KCNMB2: variants seen among roughly 807,000 people sequenced by gnomAD.
KCNMB2 encodes the protein potassium calcium-activated channel subfamily M regulatory beta subunit 2, also known as calcium-activated potassium channel subunit beta-2.
In KCNMB2, 9 loss-of-function variants were observed where a neutral mutation model predicts 24.5. The observed-to-expected ratio is 0.37, with a 90% CI of 0.22 to 0.64. The LOEUF is 0.64. Ranked by LOEUF, KCNMB2 falls within the 30% of genes least tolerant of loss-of-function variation. The probability of loss-of-function intolerance (pLI) is 0.63; values close to 1 mark genes in which losing one functional copy is unlikely to be tolerated. For missense variants in KCNMB2, 226 were observed against 284.3 expected (o/e 0.79, Z 1.47); for synonymous variants, 109 against 104.4 (o/e 1.04, Z -0.27).
At position 178,729,737 on chromosome 3, in the gene KCNMB2, AG is replaced by A. The variant is rs199659093; in HGVS notation, c.-67-77605del. Among the ~76,000 whole-genome samples the A allele has an allele frequency of 7.8e-3, 1,191 of 152,312 alleles. 14 individuals are homozygous for A. The highest frequency in any genetic ancestry group is 0.028 in the African/African-American group (1,158 of 41,562). On this transcript the variant is annotated intron_variant, in intron 1 of 4. Coordinates refer to ENST00000452583, the MANE Select transcript of KCNMB2 (RefSeq NM_181361.3). ...GCTTGTTAATTGTATGTATGTATGA[AG>A]CAAATGGTCTTTGAATAGTTGTCTT...
chr3:178,590,645 A>G (rs1194106854), intron 1 of KCNMB2, among the ~76,000 whole-genome samples: 1 of 152,194 alleles, frequency 6.6e-6, no homozygotes, highest in Non-Finnish European at 1.5e-5. Flanking sequence ...CAAAGTAGGC[A>G]CTACTAGTAT....
chr3:178,764,877 G>A (rs1176839048), intron 1 of KCNMB2, among the ~76,000 whole-genome samples: 1 of 152,098 alleles, frequency 6.6e-6, no homozygotes, highest in Non-Finnish European at 1.5e-5. Flanking sequence ...GAAAATGGAA[G>A]GGTATTTAAA....
intron 4 of KCNMB2, among the ~76,000 whole-genome samples, chr3:178,834,619 G>T (rs1715157941): frequency 6.6e-6 from 1 of 152,104 alleles, no homozygotes; most frequent in Non-Finnish European, 1.5e-5. Flanking sequence ...ATATTAAACA[G>T]ATAGAAGCTT....
At chr3:178,610,349 G>C (rs1718437940) in intron 1 of KCNMB2, among the ~76,000 whole-genome samples, 1 of 152,152 alleles carries the variant, frequency 6.6e-6, no homozygotes, top group East Asian at 1.9e-4. Context: ...GGGTAGCATG[G>C]ACATTTTAAC....
chr3:178,601,292 TATGCA>T (rs1449003605), intron 1 of KCNMB2, among the ~76,000 whole-genome samples: 1 of 152,084 alleles, frequency 6.6e-6, no homozygotes, highest in Non-Finnish European at 1.5e-5. Context: ...CATGTATACC[TATGCA>T]ATAAACCTGC....
intron 1 of KCNMB2, among the ~76,000 whole-genome samples, chr3:178,589,255 ACACTAGGTGCATTGTAAAAT>A (rs1473301277): frequency 1.3e-5 from 2 of 152,172 alleles, no homozygotes; most frequent in Non-Finnish European, 2.9e-5. Flanking sequence ...TCTGGCAGAA[ACACTAGGTGCATTGTAAAAT>A]CACTGAATTT....
At chr3:178,666,842 A>T (rs1177084801) in intron 1 of KCNMB2, among the ~76,000 whole-genome samples, 1 of 152,166 alleles carries the variant, frequency 6.6e-6, no homozygotes, top group African/African-American at 2.4e-5. Flanking sequence ...CCTAACTTGC[A>T]GTACCTTAGA....
At chr3:178,759,752 ATC>A (rs1491265684) in intron 1 of KCNMB2, among the ~76,000 whole-genome samples, 222 of 18,228 alleles carry the variant, frequency 0.012, 41 homozygotes, top group African/African-American at 0.057. Flanking sequence ...AAGAGGATAT[ATC>A]TATATATATA....
At chr3:178,631,359 G>C (rs888339482) in intron 1 of KCNMB2, among the ~76,000 whole-genome samples, 9 of 152,152 alleles carry the variant, frequency 5.9e-5, no homozygotes, top group African/African-American at 2.2e-4. Context: ...AGTGCTGTCA[G>C]TAACAGCTAC....
At chr3:178,832,006 C>T (rs955562804) in intron 4 of KCNMB2, among the ~76,000 whole-genome samples, 2 of 152,110 alleles carry the variant, frequency 1.3e-5, no homozygotes, top group Admixed American at 1.3e-4. Context: ...ATACTTGAAG[C>T]TCATGTAGAC....
At chr3:178,706,339 C>T (rs1434058997) in intron 1 of KCNMB2, among the ~76,000 whole-genome samples, 1 of 152,062 alleles carries the variant, frequency 6.6e-6, no homozygotes, top group Non-Finnish European at 1.5e-5. Context: ...GGAGGACCTC[C>T]CCACACAACA....
intron 1 of KCNMB2, among the ~76,000 whole-genome samples, chr3:178,629,038 A>C (rs1424846979): frequency 6.6e-6 from 1 of 152,176 alleles, no homozygotes; most frequent in African/African-American, 2.4e-5. Flanking sequence ...GTACGGAATT[A>C]ATATTTTCAT....
At chr3:178,807,212 C>G in intron 1 of KCNMB2, 131 bp from the exon 2 acceptor site, 1 of 463,334 alleles carries the variant, frequency 2.2e-6, no homozygotes, top group Non-Finnish European at 3.8e-6. Flanking sequence ...CTTAAAAATT[C>G]CCAGTCAATT....
intron 1 of KCNMB2, among the ~76,000 whole-genome samples, chr3:178,550,690 T>C (rs951829465): frequency 6.6e-6 from 1 of 151,958 alleles, no homozygotes; most frequent in African/African-American, 2.4e-5. Flanking sequence ...GGAACATCAG[T>C]ATTAGCAGGG....
At chr3:178,731,822 G>T (rs1375728622) in intron 1 of KCNMB2, among the ~76,000 whole-genome samples, 1 of 152,216 alleles carries the variant, frequency 6.6e-6, no homozygotes, top group Non-Finnish European at 1.5e-5. Flanking sequence ...AGAATCGCTT[G>T]ATCCCGTGGG....
intron 1 of KCNMB2, among the ~76,000 whole-genome samples, chr3:178,725,644 T>G (rs1722943387): frequency 2.0e-5 from 3 of 152,090 alleles, no homozygotes; most frequent in African/African-American, 7.2e-5. Flanking sequence ...TTGTTAAAGT[T>G]TGTTTTTCCC....
chr3:178,796,002 C>T (rs144988707), intron 1 of KCNMB2, among the ~76,000 whole-genome samples: 1,871 of 152,210 alleles, frequency 0.012, 22 homozygotes, highest in Non-Finnish European at 0.019. Flanking sequence ...AGCTGGACAG[C>T]GCTCTGGAAA....
chr3:178,752,329 G>T (rs1453632355), intron 1 of KCNMB2, among the ~76,000 whole-genome samples: 2 of 152,150 alleles, frequency 1.3e-5, no homozygotes, highest in Non-Finnish European at 2.9e-5. Flanking sequence ...CATTTTAACA[G>T]GTGGAATTTT....
chr3:178,595,371 C>T (rs1242871617), intron 1 of KCNMB2, among the ~76,000 whole-genome samples: 2 of 152,034 alleles, frequency 1.3e-5, no homozygotes, highest in Non-Finnish European at 2.9e-5. Context: ...CAAGTGACTG[C>T]TCCTCTTCAA....
Sources: allele counts gnomAD v4.1 joint callset (sites outside exome capture counted in the v4.1 genomes callset), GRCh38; gene constraint gnomAD v4.1.1; transcripts MANE v1.5; gene names NCBI Gene and HGNC (gene_info 2026-07-23, HGNC 2026-07-21).